Variants in CCDC92B observed in about 807,000 individuals in gnomAD.
CCDC92B encodes coiled-coil domain-containing 92B.
A neutral mutation model predicts 5.6 loss-of-function variants in CCDC92B; 2 were observed. That is an observed-to-expected ratio of 0.36 (90% CI 0.15 to 1.12). CCDC92B has a LOEUF of 1.12. CCDC92B is among the 50% of genes most tolerant of loss of function. The pLI is 0.40. For missense variants in CCDC92B, 271 were observed against 262.2 expected (o/e 1.03, Z -0.23); for synonymous variants, 115 against 122.3 (o/e 0.94, Z 0.39).
intron 1 of CCDC92B, among the ~76,000 whole-genome samples, chr17:2,740,674 A>G (rs902072729): frequency 6.6e-6 from 1 of 151,196 alleles, no homozygotes; most frequent in Non-Finnish European, 1.5e-5. Context: ...AAAAACAAAC[A>G]AAACAAAAAA....
rs182301631 is a variant in CCDC92B, at chr17:2,743,796, A to G, written c.-24+5615T>C. On this transcript the variant is annotated intron_variant, in intron 1 of 3. Coordinates refer to ENST00000614400, the MANE Select transcript of CCDC92B (RefSeq NM_001355573.2). ...CCAATTTAAAATAGAAGCTTTTGTT[A>G]CTCTGCATTCCCTTAATCTGCATTA... Among the ~76,000 whole-genome samples the G allele has an allele frequency of 2.2e-4, 33 of 152,098 alleles. No individual in the cohort carries two copies. In the Middle Eastern group the frequency reaches 0.01, roughly 47 times the overall value.
chr17:2,748,367 C>T, intron 1 of CCDC92B: 1 of 985,090 alleles, frequency 1.0e-6, no homozygotes, highest in South Asian at 4.7e-5. Context: ...CTCTGTTCCC[C>T]AGGCAATTTG....
At chr17:2,747,641 C>G (rs1266915748) in intron 1 of CCDC92B, among the ~76,000 whole-genome samples, 1 of 152,178 alleles carries the variant, frequency 6.6e-6, no homozygotes, top group African/African-American at 2.4e-5. Context: ...CCAGGAGAGT[C>G]GTTTCAACCT....
At chr17:2,727,634 GCC>G (rs1214135922) in intron 3 of CCDC92B, among the ~76,000 whole-genome samples, 3 of 152,010 alleles carry the variant, frequency 2.0e-5, no homozygotes, top group Admixed American at 6.5e-5. Flanking sequence ...GACCAGCCTG[GCC>G]AGCATGGCGA....
At chr17:2,732,724 A>T (rs115352621) in intron 2 of CCDC92B, among the ~76,000 whole-genome samples, 2,880 of 149,956 alleles carry the variant, frequency 0.019, 92 homozygotes, top group African/African-American at 0.066. Flanking sequence ...TGTAAAAATT[A>T]AAAAAAAGGC....
intron 2 of CCDC92B, among the ~76,000 whole-genome samples, chr17:2,734,303 T>A (rs1423637332): frequency 6.6e-6 from 1 of 152,132 alleles, no homozygotes; most frequent in African/African-American, 2.4e-5. Flanking sequence ...CTTCAGCACC[T>A]GCTCCTCAAG....
intron 3 of CCDC92B, among the ~76,000 whole-genome samples, chr17:2,728,366 G>A (rs1490115896): frequency 6.6e-6 from 1 of 151,832 alleles, no homozygotes; most frequent in Non-Finnish European, 1.5e-5. Flanking sequence ...CCAGCACTTT[G>A]GGAGGCCGAG....
chr17:2,736,463 T>G (rs2070858785), intron 1 of CCDC92B, among the ~76,000 whole-genome samples: 4 of 149,140 alleles, frequency 2.7e-5, no homozygotes, highest in Non-Finnish European at 1.5e-5. Context: ...ATTAAAGAAA[T>G]AGGCCAGCCG....
At chr17:2,730,893 C>T (rs1328888949) in intron 2 of CCDC92B, among the ~76,000 whole-genome samples, 2 of 152,198 alleles carry the variant, frequency 1.3e-5, no homozygotes, top group Non-Finnish European at 2.9e-5. Context: ...CCGTGCAGGG[C>T]TTTGACCCTT....
intron 3 of CCDC92B, among the ~76,000 whole-genome samples, chr17:2,729,751 T>C (rs1290292567): frequency 6.6e-6 from 1 of 152,186 alleles, no homozygotes. Flanking sequence ...AACTTTTTAA[T>C]CTTGCAAAAG....
In CCDC92B at chr17:2,721,125, TG is replaced by T. The variant is rs1231298630; in HGVS notation, c.*3285del. Reference sequence around the variant, plus strand: ...GGGGGACGCCATCCTACTGCTTATATGGGGAAGGGTTATCCCATTTTGGCCC... The same window carrying T: ...GGGGGACGCCATCCTACTGCTTATATGGGAAGGGTTATCCCATTTTGGCCC... On this transcript the variant is annotated 3_prime_UTR_variant, in exon 4 of 4. Coordinates refer to ENST00000614400, the MANE Select transcript of CCDC92B (RefSeq NM_001355573.2). 1 of 152,332 alleles carries T rather than the reference TG, an allele frequency of 6.6e-6. No homozygotes were observed. The highest frequency in any genetic ancestry group is 1.5e-5 in the Non-Finnish European group (1 of 68,138). The allele number at this position is 152,332 out of a possible 1,614,324, so 9.4% of individuals were successfully genotyped here.
intron 1 of CCDC92B, among the ~76,000 whole-genome samples, chr17:2,743,256 C>T (rs544173430): frequency 6.6e-6 from 1 of 152,274 alleles, no homozygotes; most frequent in South Asian, 2.1e-4. Flanking sequence ...ATGGTGAAAC[C>T]CTGTCTCTAA....
rs539084121 is a variant in CCDC92B, at chr17:2,734,184, T to C, written c.130+832A>G. On this transcript the variant is annotated intron_variant, in intron 2 of 3. Transcript: ENST00000614400. Reference sequence around the variant, plus strand: ...GCTGTTCCCTTCATCTGGAATACTCTCTTCACTCCCCTTTCTCCTGTGATA... The same window carrying C: ...GCTGTTCCCTTCATCTGGAATACTCCCTTCACTCCCCTTTCTCCTGTGATA... Among the ~76,000 whole-genome samples the C allele has an allele frequency of 3.3e-5, 5 of 152,266 alleles. No individual in the cohort carries two copies. In the South Asian group the frequency reaches 1.0e-3, roughly 32 times the overall value.
intron 3 of CCDC92B, among the ~76,000 whole-genome samples, chr17:2,726,477 C>T (rs148294819): frequency 0.11 from 16,846 of 151,328 alleles, 1,244 homozygotes; most frequent in East Asian, 0.31. Context: ...CCACCGCGCC[C>T]GGCTAATTTT....
intron 3 of CCDC92B, among the ~76,000 whole-genome samples, chr17:2,727,547 T>C (rs548965859): frequency 1.4e-4 from 22 of 152,280 alleles, no homozygotes; most frequent in Middle Eastern, 3.4e-3. Flanking sequence ...CAAAGAGGGC[T>C]GGGTGCAGTG....
intron 3 of CCDC92B, among the ~76,000 whole-genome samples, chr17:2,725,749 A>G (rs1190334876): frequency 6.6e-6 from 1 of 151,924 alleles, no homozygotes. Flanking sequence ...TGGAAAGTCA[A>G]TGCTGTGACT....
chr17:2,724,084 G>C lies in CCDC92B; in HGVS notation c.*327C>G. 2.1e-6 allele frequency: 2 copies of C among 950,038 alleles called. No individual in the cohort carries two copies. The highest frequency in any genetic ancestry group is 2.5e-6 in the Non-Finnish European group (2 of 798,998). 58.9% of individuals were successfully genotyped at this position (950,038 alleles called of 1,614,324 possible). A position where few individuals can be genotyped will look rare whatever the true frequency, so the allele number is the denominator to read the frequency against. The stretch of plus-strand genomic sequence containing the variant: ...CCCACCAAGGATTGTCGGCTTTCCC[G>C]GGGAAGGGCGTGGCCCCCGCCCCTC... On this transcript the variant is annotated 3_prime_UTR_variant, in exon 4 of 4. Coordinates refer to ENST00000614400, the MANE Select transcript of CCDC92B (RefSeq NM_001355573.2). This position sits in a 1 kb window ranked among gnomAD's most constrained non-coding sequence, Gnocchi z 5.0.
At chr17:2,745,335 G>C (rs889702960) in intron 1 of CCDC92B, among the ~76,000 whole-genome samples, 1 of 152,070 alleles carries the variant, frequency 6.6e-6, no homozygotes, top group Admixed American at 6.6e-5. Flanking sequence ...AGAAACGTCT[G>C]TTCCCAGCCA....
At chr17:2,725,458 C>T (rs2151736464) in intron 3 of CCDC92B, among the ~76,000 whole-genome samples, 1 of 151,910 alleles carries the variant, frequency 6.6e-6, no homozygotes, top group East Asian at 2.0e-4. Context: ...ACCGCGCTCC[C>T]CCTCCTTCCC....
Sources: allele counts gnomAD v4.1 joint callset (sites outside exome capture counted in the v4.1 genomes callset), GRCh38; gene constraint gnomAD v4.1.1; non-coding constraint Gnocchi (gnomAD v3.1); transcripts MANE v1.5; gene names NCBI Gene and HGNC (gene_info 2026-07-23, HGNC 2026-07-21).